The following PDZD4 variants were observed in gnomAD, a reference collection of about 807,000 sequenced individuals.
PDZD4 encodes the protein PDZ domain containing 4.
PDZD4 carries 9 observed loss-of-function variants against 38.5 expected under a neutral mutation model. That is an observed-to-expected ratio of 0.23 (90% confidence interval 0.14 to 0.41). PDZD4 has a LOEUF of 0.41. Among genes scored for constraint, PDZD4 ranks in the 10% least tolerant of loss-of-function variants. The pLI is 1.00. For missense variants in PDZD4, 612 were observed against 722.0 expected, an observed-to-expected ratio of 0.85 and a Z score of 1.75; for synonymous variants, 349 against 315.7, an observed-to-expected ratio of 1.11 and a Z score of -1.12.
rs1557075868 is a variant in PDZD4 at position 153,804,149 on chromosome X, G to C, written c.1532C>G (p.Thr511Ser). 3.5e-6 allele frequency: 4 copies of C among 1,158,190 alleles called. No homozygotes were observed. The Admixed American group carries it at 1.0e-4, about 30-fold the overall frequency. ...GGTGGCAACAGCGGGGCCGGGAGGGGTCCGGTTCAAGTTGGAGTTGCCGGC... is the reference window on the plus strand; with the variant it reads ...GGTGGCAACAGCGGGGCCGGGAGGGCTCCGGTTCAAGTTGGAGTTGCCGGC... Reference protein sequence around the residue: ...AMAGNSNLNRTPPGPAVATPA... With the variant: ...AMAGNSNLNRSPPGPAVATPA... Residue 511 changes from threonine (T) to serine (S), a missense_variant, in exon 8 of 8, where the codon ACC (threonine) becomes AGC (serine). Around this residue, in one of 3 missense-constraint regions of PDZD4, gnomAD observed 300 missense variants for 284.6 expected, o/e 1.05. Coordinates refer to ENST00000393758, the MANE Select transcript of PDZD4 (RefSeq NM_001303512.2).
chrX:153,824,725 GT>G, intron 1 of PDZD4, among the ~76,000 whole-genome samples: 1 of 111,911 alleles, frequency 8.9e-6, no homozygotes, highest in Non-Finnish European at 1.9e-5. Context: ...GGGGCCAGGC[GT>G]GGTGGCTCAC....
In PDZD4 at chrX:153,803,678, G is replaced by C. The variant is rs1557075409; in HGVS notation, c.2003C>G (p.Thr668Ser). Reference protein sequence around the residue: ...KIREERSGMTTDDDAVSEMKM... With the variant: ...KIREERSGMTSDDDAVSEMKM... ...CATCTCGCTCACCGCGTCGTCGTCG[G>C]TCGTCATACCGCTGCGCTCCTCCCG... The change falls in exon 8 of 8, where the codon ACC (threonine) becomes AGC (serine). Residue 668 changes from threonine to serine, a missense_variant. Thr to Ser is a moderately conservative substitution (Grantham distance 58). Around this residue, in one of 3 missense-constraint regions of PDZD4, gnomAD observed 87 missense variants for 126.3 expected, o/e 0.69. Coordinates refer to ENST00000393758, the MANE Select transcript of PDZD4 (RefSeq NM_001303512.2). 8.3e-7 allele frequency: 1 copy of C among 1,210,417 alleles called. No individual in the cohort carries two copies. Among genetic ancestry groups the C allele is most frequent in the African/African-American group, 1.7e-5 (1 of 58,024 alleles).
chrX:153,805,894 A>G (rs1557076828), intron 5 of PDZD4, among the ~76,000 whole-genome samples, 177 bp downstream of exon 5: 1 of 111,961 alleles, frequency 8.9e-6, no homozygotes, highest in Non-Finnish European at 1.9e-5. Context: ...CACGGGAGCC[A>G]CTGGGGTGAG....
intron 1 of PDZD4, among the ~76,000 whole-genome samples, chrX:153,819,131 G>A (rs1472496466): frequency 8.9e-6 from 1 of 112,725 alleles, no homozygotes; most frequent in Non-Finnish European, 1.9e-5. Context: ...GGGTGGCTGC[G>A]GCTGCGGGAG....
chrX:153,809,935 C>T (rs1466315745), intron 1 of PDZD4, among the ~76,000 whole-genome samples: 1 of 112,916 alleles, frequency 8.9e-6, no homozygotes, highest in Non-Finnish European at 1.9e-5. Context: ...TTACGCACAG[C>T]GCAGGTGGTG....
At chrX:153,816,631 C>T (rs893201099) in intron 1 of PDZD4, among the ~76,000 whole-genome samples, 3 of 111,710 alleles carry the variant, frequency 2.7e-5, no homozygotes, top group Admixed American at 9.4e-5. Flanking sequence ...CCCCAAGGGG[C>T]TTGGTTGGAA....
intron 3 of PDZD4, 79 bp downstream of exon 3, chrX:153,807,200 G>A: frequency 1.9e-6 from 2 of 1,036,607 alleles, no homozygotes; most frequent in Non-Finnish European, 1.3e-6. Flanking sequence ...CACGGGGTTG[G>A]GCCTGGGCAG....
intron 1 of PDZD4, among the ~76,000 whole-genome samples, chrX:153,823,376 G>T (rs782561912): frequency 7.2e-5 from 8 of 110,607 alleles, no homozygotes; most frequent in African/African-American, 2.3e-4. Context: ...GTGTCACCAT[G>T]CCCGGCTAAT....
At chrX:153,825,216 C>T (rs1461958678) in intron 1 of PDZD4, among the ~76,000 whole-genome samples, 1 of 112,276 alleles carries the variant, frequency 8.9e-6, no homozygotes, top group Non-Finnish European at 1.9e-5. Flanking sequence ...AGATGACAGG[C>T]GGTCCTGACC....
intron 2 of PDZD4, chrX:153,807,857 G>A (rs1416608914): frequency 1.1e-5 from 11 of 975,914 alleles, no homozygotes; most frequent in African/African-American, 9.9e-5. Flanking sequence ...CTACCTCCCC[G>A]CAGCCCGGGC....
At chrX:153,825,345 AG>A (rs2064470227) in intron 1 of PDZD4, among the ~76,000 whole-genome samples, 2 of 111,809 alleles carry the variant, frequency 1.8e-5, no homozygotes, top group Non-Finnish European at 3.8e-5. Flanking sequence ...GGTGTCAGAG[AG>A]GGGGTGCCAA....
Position 153,803,464 on chromosome X carries a change from G to A in PDZD4, c.2217C>T (p.Asn739=). 8.6e-7 allele frequency: 1 copy of A among 1,159,154 alleles called. No homozygotes were observed. The highest frequency in any genetic ancestry group is 2.0e-5 in the South Asian group (1 of 48,802). The change falls in exon 8 of 8, where the codon AAC becomes AAT. Residue 739 remains asparagine, a synonymous_variant. Transcript: ENST00000393758. ...TGATCCAGTTGTCCAGGATCTTCTT[G>A]TTCCGCTTCTTCATGGTTTTGCGGT... ...LSHRKTMKKR[N]KKILDNWITI...
At position 153,804,628 on chromosome X, in the gene PDZD4, G is replaced by A. The variant is rs781942695; in HGVS notation, c.1053C>T (p.Asp351=). The A allele has an allele frequency of 1.1e-5, 13 of 1,209,610 alleles. No individual in the cohort carries two copies. Among genetic ancestry groups the A allele is most frequent in the South Asian group, 8.8e-5 (5 of 56,985 alleles). Residue 351 remains aspartate (D), a synonymous_variant, in exon 8 of 8, where the codon GAC becomes GAT. Transcript: ENST00000393758. ...ACTCCTCATCCGTGAGGCCCGGGAC[G>A]TCGCCCCCTCCCAGCCCCGCCCCCT... ...LAEGAGLGGG[D]VPGLTDEEYE...
Position 153,803,647 on chromosome X carries a change from C to T in PDZD4, c.2034G>A (p.Met678Ile), listed in dbSNP as rs1319813834. ...GCTCCTCCTTGCTCCAGTAGCGGCCCATCTTCATCTCGCTCACCGCGTCGT... is the reference window on the plus strand; with the variant it reads ...GCTCCTCCTTGCTCCAGTAGCGGCCTATCTTCATCTCGCTCACCGCGTCGT... ...TDDDAVSEMKMGRYWSKEERK... is the reference protein window; with the variant it reads ...TDDDAVSEMKIGRYWSKEERK... Residue 678 changes from methionine (M) to isoleucine (I), a missense_variant, in exon 8 of 8, where the codon ATG (methionine) becomes ATA (isoleucine). Coordinates refer to ENST00000393758, the MANE Select transcript of PDZD4 (RefSeq NM_001303512.2). 1 of 1,209,393 alleles carries T rather than the reference C, an allele frequency of 8.3e-7. No individual in the cohort carries two copies. The highest frequency in any genetic ancestry group is 1.1e-6 in the Non-Finnish European group (1 of 895,383).
At chrX:153,807,414 A>C in intron 2 of PDZD4, 45 bp from the exon 3 acceptor site, 11 of 1,118,392 alleles carry the variant, frequency 9.8e-6, no homozygotes, top group Non-Finnish European at 1.1e-5. Flanking sequence ...CCATCCTCTC[A>C]CACCTCAGCC....
At chrX:153,825,524 G>A (rs2064472079) in intron 1 of PDZD4, among the ~76,000 whole-genome samples, 1 of 112,242 alleles carries the variant, frequency 8.9e-6, no homozygotes, top group South Asian at 3.7e-4. Flanking sequence ...AACTCAACAC[G>A]CAGTAATCCT....
chrX:153,807,267 C>T lies in PDZD4; in HGVS notation c.405+12G>A, dbSNP rs2064261099. On this transcript the variant is annotated intron_variant, in intron 3 of 7. Coordinates refer to ENST00000393758, the MANE Select transcript of PDZD4 (RefSeq NM_001303512.2). ...AGCTGGCTGCGGGCCCTGGCCTGGC[C>T]ACCCGGCTCACCTCATACTCCAGCT... 1 of 1,205,752 alleles carries T rather than the reference C, an allele frequency of 8.3e-7. No individual in the cohort carries two copies. The highest frequency in any genetic ancestry group is 2.2e-5 in the Admixed American group (1 of 45,636).
intron 4 of PDZD4, 22 bp from the exon 5 acceptor site, chrX:153,806,155 G>A (rs781812073): frequency 8.3e-7 from 1 of 1,208,268 alleles, no homozygotes; most frequent in Admixed American, 2.2e-5. Context: ...ACGCATCTTG[G>A]GGACTTGGTG....
At position 153,812,612 on chromosome X, in the gene PDZD4, T is replaced by G. The variant is rs781862651; in HGVS notation, c.61-4017A>C. On this transcript the variant is annotated intron_variant, in intron 1 of 7. Coordinates refer to ENST00000393758, the MANE Select transcript of PDZD4 (RefSeq NM_001303512.2). ...ACGGGCTCCTGAAGCCTTCTCGCTC[T>G]CTCTCTCTCTCCTCCTCATCGGTCA... Among the ~76,000 whole-genome samples, 332 of 110,678 alleles carry G rather than the reference T, an allele frequency of 3.0e-3. 1 individual carries two copies. The highest frequency in any genetic ancestry group is 5.1e-3 in the Non-Finnish European group (270 of 52,755).
Sources: gnomAD v4.1 joint callset for allele counts (sites outside exome capture counted in the v4.1 genomes callset) on GRCh38, gnomAD v4.1.1 for gene constraint, gnomAD v4.1.1 regional missense constraint, MANE v1.5 for transcripts, NCBI Gene and HGNC (gene_info 2026-07-23, HGNC 2026-07-21) for gene names.